The following ZNF544 variants were observed in gnomAD, a reference collection of about 807,000 sequenced individuals.
ZNF544 encodes the protein zinc finger protein AF020591.
A neutral mutation model predicts 13.5 loss-of-function variants in ZNF544; 10 were observed. The observed-to-expected ratio is 0.74, with a 90% CI of 0.46 to 1.25. The LOEUF (loss-of-function observed/expected upper bound fraction) is 1.25. Among genes scored for constraint, ZNF544 ranks in the 50% most tolerant of loss-of-function variants. The pLI is 0.00. For synonymous variants in ZNF544, 323 were observed against 300.5 expected (o/e 1.07, Z -0.77); for missense variants, 896 against 845.6 (o/e 1.06, Z -0.74).
intron 3 of ZNF544, among the ~76,000 whole-genome samples, chr19:58,240,735 C>G (rs1271114681): frequency 1.3e-5 from 2 of 151,612 alleles, no homozygotes; most frequent in South Asian, 2.1e-4. Context: ...ACACTCCAGC[C>G]TGGGCAACAG....
chr19:58,256,554 C>A (rs1404767471), intron 6 of ZNF544, among the ~76,000 whole-genome samples: 5 of 152,162 alleles, frequency 3.3e-5, no homozygotes, highest in Admixed American at 6.6e-5. Context: ...TAAACGGTTA[C>A]AAGAAGAGCA....
downstream of ZNF544, among the ~76,000 whole-genome samples, chr19:58,266,470 A>G (rs1568511006): frequency 2.1e-5 from 3 of 142,456 alleles, no homozygotes; most frequent in Non-Finnish European, 3.0e-5. Context: ...AGCCAAAATC[A>G]TGCCACTGCA....
At chr19:58,256,287 T>C (rs1263664690) in intron 6 of ZNF544, among the ~76,000 whole-genome samples, 1 of 152,084 alleles carries the variant, frequency 6.6e-6, no homozygotes, top group Non-Finnish European at 1.5e-5. Flanking sequence ...TACTTTTTTT[T>C]TTTTGAGATG....
chr19:58,249,677 T>C (rs1054687546), intron 6 of ZNF544, among the ~76,000 whole-genome samples: 9 of 152,190 alleles, frequency 5.9e-5, no homozygotes, highest in African/African-American at 2.2e-4. Context: ...TTGTTCGGCA[T>C]AAAAACAGCA....
At chr19:58,250,400 A>T (rs2046106554) in intron 6 of ZNF544, among the ~76,000 whole-genome samples, 2 of 152,212 alleles carry the variant, frequency 1.3e-5, no homozygotes, top group African/African-American at 4.8e-5. Flanking sequence ...AGTCTTCCCA[A>T]GGGAAAATAT....
chr19:58,229,149 G>A (rs922274939), intron 1 of ZNF544: 1 of 152,398 alleles, frequency 6.6e-6, no homozygotes, highest in African/African-American at 2.4e-5. Context: ...CAGGGACGGG[G>A]AAGGCCGGTC....
chr19:58,269,268 C>G (rs2050310329), intron 5 of ZNF544, among the ~76,000 whole-genome samples: 1 of 151,808 alleles, frequency 6.6e-6, no homozygotes, highest in African/African-American at 2.4e-5. Flanking sequence ...AACCTCATCT[C>G]TAATAAAAAT....
At chr19:58,270,085 T>C (rs183869622) in intron 5 of ZNF544, among the ~76,000 whole-genome samples, 83 of 152,328 alleles carry the variant, frequency 5.4e-4, no homozygotes, top group Non-Finnish European at 1.1e-3. Context: ...CAAGGTAAAT[T>C]GTGCTCAAAC....
downstream of ZNF544, among the ~76,000 whole-genome samples, chr19:58,268,054 CTT>C (rs1018780417): frequency 6.6e-6 from 1 of 151,942 alleles, no homozygotes; most frequent in African/African-American, 2.4e-5. Flanking sequence ...AATCCCAACA[CTT>C]TGGGAGGCCG....
At chr19:58,272,906 G>A (rs58071659) in intron 5 of ZNF544, among the ~76,000 whole-genome samples, 5,505 of 151,454 alleles carry the variant, frequency 0.036, 219 homozygotes, top group East Asian at 0.21. Context: ...AAAAAAGGCC[G>A]GGCGCGGTGG....
At chr19:58,232,346 C>CTTTT (rs71190011) in intron 3 of ZNF544, among the ~76,000 whole-genome samples, 3 of 75,232 alleles carry the variant, frequency 4.0e-5, no homozygotes, top group African/African-American at 5.6e-5. Flanking sequence ...ACAATTTTAT[C>CTTTT]TTTTTTTTTT....
intron 6 of ZNF544, among the ~76,000 whole-genome samples, chr19:58,255,369 T>G (rs446075): frequency 0.51 from 76,697 of 151,234 alleles, 19,570 homozygotes; most frequent in Middle Eastern, 0.62. Flanking sequence ...AGTAGAGCTG[T>G]GGTTTCACCA....
At chr19:58,243,881 G>C (rs561107626) in intron 3 of ZNF544, 84 bp from the exon 4 acceptor site, 17 of 1,141,064 alleles carry the variant, frequency 1.5e-5, no homozygotes, top group Non-Finnish European at 9.5e-6. Context: ...GCTTGTGGCC[G>C]GCCCCGCGTT....
intron 3 of ZNF544, among the ~76,000 whole-genome samples, chr19:58,233,277 G>A (rs1204398123): frequency 6.6e-6 from 1 of 152,112 alleles, no homozygotes; most frequent in African/African-American, 2.4e-5. Context: ...AGATATAGGT[G>A]GGGACACTGC....
chr19:58,257,029 C>T (rs188695381), intron 6 of ZNF544, among the ~76,000 whole-genome samples: 2 of 152,346 alleles, frequency 1.3e-5, no homozygotes, highest in East Asian at 3.9e-4. Flanking sequence ...TCACGCCATT[C>T]TCCTGCCTGA....
At chr19:58,260,680 T>TA (rs2147659244) in intron 6 of ZNF544, 171 bp from the exon 7 acceptor site, 1 of 615,024 alleles carries the variant, frequency 1.6e-6, no homozygotes, top group South Asian at 2.3e-5. Flanking sequence ...TTACCACTGA[T>TA]ACCATGTTTG....
At chr19:58,255,004 C>G (rs1470152458) in intron 6 of ZNF544, among the ~76,000 whole-genome samples, 4 of 151,656 alleles carry the variant, frequency 2.6e-5, no homozygotes. Flanking sequence ...TCTCCTGCCT[C>G]AGCCTCCTGA....
At chr19:58,255,703 TAAGAA>T (rs2047157873) in intron 6 of ZNF544, among the ~76,000 whole-genome samples, 1 of 152,234 alleles carries the variant, frequency 6.6e-6, no homozygotes, top group Non-Finnish European at 1.5e-5. Context: ...GAATTTTGCA[TAAGAA>T]AAGAGGATTT....
intron 4 of ZNF544, chr19:58,245,694 C>T (rs1166955857): frequency 1.9e-5 from 3 of 160,024 alleles, no homozygotes; most frequent in African/African-American, 7.2e-5. Context: ...TTTGAAAACA[C>T]ACCACAGCCC....
Sources: allele counts gnomAD v4.1 joint callset (sites outside exome capture counted in the v4.1 genomes callset), GRCh38; gene constraint gnomAD v4.1.1; transcripts MANE v1.5; gene names NCBI Gene and HGNC (gene_info 2026-07-23, HGNC 2026-07-21).